DZIP1L: variants seen among roughly 807,000 people sequenced by gnomAD.
DZIP1L encodes the protein cilium assembly protein DZIP1L.
A neutral mutation model predicts 88.7 loss-of-function variants in DZIP1L; 90 were observed. The observed-to-expected ratio is 1.02, with a 90% CI of 0.86 to 1.21. DZIP1L has a LOEUF of 1.21. Among genes scored for constraint, DZIP1L ranks in the 50% most tolerant of loss-of-function variants. The pLI, the probability that DZIP1L is intolerant of heterozygous loss-of-function variation, is 0.00. For missense variants in DZIP1L, 932 were observed against 955.8 expected (o/e 0.98, Z 0.33); for synonymous variants, 363 against 372.1 (o/e 0.98, Z 0.28).
At chr3:138,098,130 T>A (rs867468298) in intron 2 of DZIP1L, among the ~76,000 whole-genome samples, 1 of 152,232 alleles carries the variant, frequency 6.6e-6, no homozygotes, top group South Asian at 2.1e-4. Context: ...TGTTTGTCTA[T>A]GTTTAAAAGT....
chr3:138,077,385 A>T (rs1226012065), intron 11 of DZIP1L, 114 bp downstream of exon 11: 1 of 1,507,070 alleles, frequency 6.6e-7, no homozygotes, highest in Non-Finnish European at 9.0e-7. Flanking sequence ...GGGCTGCCAC[A>T]AGTGAGATGA....
intron 1 of DZIP1L, among the ~76,000 whole-genome samples, chr3:138,112,870 CT>C (rs2042640798): frequency 6.6e-6 from 1 of 152,120 alleles, no homozygotes; most frequent in African/African-American, 2.4e-5. Context: ...TCACTTCAAC[CT>C]GGGAAGCAGA....
At chr3:138,092,621 T>C in intron 4 of DZIP1L, 77 bp from the exon 5 acceptor site, 1 of 1,407,690 alleles carries the variant, frequency 7.1e-7, no homozygotes, top group South Asian at 1.6e-5. Context: ...TACTTAGGCC[T>C]CCTTGTCTAT....
chr3:138,105,521 T>C (rs1559863604), intron 1 of DZIP1L, among the ~76,000 whole-genome samples: 1 of 152,194 alleles, frequency 6.6e-6, no homozygotes, highest in Non-Finnish European at 1.5e-5. Context: ...GCACACACTC[T>C]AAATCATCTC....
chr3:138,077,513 T>G lies in DZIP1L; in HGVS notation c.1408A>C (p.Met470Leu), dbSNP rs1284263339. 3.7e-6 allele frequency: 6 copies of G among 1,614,064 alleles called. No individual in the cohort carries two copies. The highest frequency in any genetic ancestry group is 1.3e-5 in the African/African-American group (1 of 74,942). The change falls in exon 11 of 16, where the codon ATG (methionine) becomes CTG (leucine). Residue 470 changes from methionine (M) to leucine (L), a missense_variant. Met to Leu is a conservative substitution (Grantham distance 15, BLOSUM62 2). Coordinates refer to ENST00000327532, the MANE Select transcript of DZIP1L (RefSeq NM_173543.3). Reference protein sequence around the residue: ...EDTLEEKLESMGIRKDAKGIS... With the variant: ...EDTLEEKLESLGIRKDAKGIS... ...CTGAAACTCACCTTCCTTATCCCCATGCTTTCGAGCTTCTCTTCCAGGGTG... is the reference window on the plus strand; with the variant it reads ...CTGAAACTCACCTTCCTTATCCCCAGGCTTTCGAGCTTCTCTTCCAGGGTG...
chr3:138,102,618 G>C lies in DZIP1L; in HGVS notation c.501+853C>G, dbSNP rs1447718814. The C allele has an allele frequency of 5.5e-6, 8 of 1,461,922 alleles. No individual in the cohort carries two copies. The East Asian group carries it at 1.6e-4, about 29-fold the overall frequency. 90.6% of individuals were successfully genotyped at this position (1,461,922 alleles called of 1,614,324 possible). A position where few individuals can be genotyped will look rare whatever the true frequency, so the allele number is the denominator to read the frequency against. ...CCTTGTCTATGAAGGAGGCAAACTTGTTGTTGAGGGTCTTGATCTGCTCCT... is the reference window on the plus strand; with the variant it reads ...CCTTGTCTATGAAGGAGGCAAACTTCTTGTTGAGGGTCTTGATCTGCTCCT... On this transcript the variant is annotated intron_variant, in intron 2 of 15. Transcript: ENST00000327532.
chr3:138,068,885 A>G lies in DZIP1L; in HGVS notation c.1616-518T>C, dbSNP rs72991165. 10,113 of 1,232,520 alleles carry G rather than the reference A, an allele frequency of 8.2e-3. 635 individuals carry two copies. In the African/African-American group the frequency reaches 0.14, roughly 17 times the overall value. 76.3% of individuals were successfully genotyped at this position (1,232,520 alleles called of 1,614,324 possible). On this transcript the variant is annotated intron_variant, in intron 12 of 15. Transcript: ENST00000327532. Reference sequence around the variant, plus strand: ...ACAGCCCCTCTGTTTTCCAAATTGCATCAAGACCTATAGCCACAAGAGCGG... The same window carrying G: ...ACAGCCCCTCTGTTTTCCAAATTGCGTCAAGACCTATAGCCACAAGAGCGG...
In DZIP1L at chr3:138,094,996, C is replaced by T. The variant is rs778056424; in HGVS notation, c.587-13G>A. The T allele has an allele frequency of 3.3e-5, 53 of 1,614,184 alleles. No homozygotes were observed. Among genetic ancestry groups the T allele is most frequent in the Admixed American group, 1.2e-4 (7 of 60,014 alleles). The stretch of plus-strand genomic sequence containing the variant: ...TTCTTCTGTTTTCCTGTGGGGTCCA[C>T]GCAAAGACAGGTGACCAGTTTAAGT... On this transcript the variant is annotated splice_polypyrimidine_tract_variant and intron_variant, in intron 3 of 15. Coordinates refer to ENST00000327532, the MANE Select transcript of DZIP1L (RefSeq NM_173543.3).
At chr3:138,066,760 C>A (rs987268710) in intron 14 of DZIP1L, among the ~76,000 whole-genome samples, 2 of 152,024 alleles carry the variant, frequency 1.3e-5, no homozygotes, top group Non-Finnish European at 2.9e-5. Context: ...CTCTACTCAC[C>A]GAGATGGACA....
At chr3:138,076,015 G>A (rs1172387416) in intron 11 of DZIP1L, among the ~76,000 whole-genome samples, 2 of 152,200 alleles carry the variant, frequency 1.3e-5, no homozygotes, top group African/African-American at 4.8e-5. Context: ...CATGGAACTG[G>A]AGAAACAAGA....
At position 138,097,839 on chromosome 3, in the gene DZIP1L, C is replaced by A; in HGVS notation, c.510G>T (p.Leu170=). 6.2e-7 allele frequency: 1 copy of A among 1,612,154 alleles called. No individual in the cohort carries two copies. The highest frequency in any genetic ancestry group is 8.5e-7 in the Non-Finnish European group (1 of 1,179,138). Residue 170 remains leucine (L), a synonymous_variant, in exon 3 of 16, where the codon CTG becomes CTT. Coordinates refer to ENST00000327532, the MANE Select transcript of DZIP1L (RefSeq NM_173543.3). ...TGGCATTCATGAATGTCTTGTCACA[C>A]AGGTGGCACTATACAGAGAGGAAGC... The part of the protein sequence containing the change: ...TGTHSYHTCH[L]CDKTFMNATF...
At position 138,103,771 on chromosome 3, in the gene DZIP1L, C is replaced by G. The variant is rs753971499; in HGVS notation, c.201G>C (p.Leu67Phe). 1 of 1,614,070 alleles carries G rather than the reference C, an allele frequency of 6.2e-7. No homozygotes were observed. Among genetic ancestry groups the G allele is most frequent in the South Asian group, 1.1e-5 (1 of 91,088 alleles). ...ENIAGITFCN[L>F]DREVCSRCGQ... ...CACAGCGGCTGCACACCTCCCGGTC[C>G]AAGTTGCAGAAGGTGATGCCAGCAA... Residue 67 changes from leucine (L) to phenylalanine (F), a missense_variant, in exon 2 of 16, where the codon TTG becomes TTC. Physicochemically the swap from Leu to Phe is conservative, Grantham distance 22. Transcript: ENST00000327532.
intron 11 of DZIP1L, among the ~76,000 whole-genome samples, chr3:138,076,042 G>C (rs977280702): frequency 5.9e-5 from 9 of 152,180 alleles, no homozygotes; most frequent in Non-Finnish European, 1.3e-4. Flanking sequence ...CAAACCCAAG[G>C]AGACAATGGA....
At chr3:138,081,880 C>CA in intron 8 of DZIP1L, 116 bp from the exon 9 acceptor site, 3 of 1,085,186 alleles carry the variant, frequency 2.8e-6, no homozygotes, top group Non-Finnish European at 3.9e-6. Context: ...TTCCATGACT[C>CA]ACGTTGGGAA....
chr3:138,078,224 T>C (rs1943500909), intron 10 of DZIP1L, among the ~76,000 whole-genome samples: 1 of 152,146 alleles, frequency 6.6e-6, no homozygotes, highest in African/African-American at 2.4e-5. Context: ...CCAAGGTGAG[T>C]CAGGGAAGGC....
intron 10 of DZIP1L, among the ~76,000 whole-genome samples, chr3:138,079,066 G>T (rs909795592): frequency 6.6e-6 from 1 of 152,322 alleles, no homozygotes; most frequent in South Asian, 2.1e-4. Flanking sequence ...TGGGGCCTGA[G>T]AATTACAACT....
intron 3 of DZIP1L, 90 bp downstream of exon 3, chr3:138,097,673 T>C: frequency 2.5e-6 from 3 of 1,205,182 alleles, no homozygotes; most frequent in Non-Finnish European, 3.5e-6. Flanking sequence ...AGAGCAGTTT[T>C]GGGTGCTATA....
In DZIP1L at chr3:138,068,036, A is replaced by G; in HGVS notation, c.1832+115T>C. The G allele has an allele frequency of 4.2e-6, 4 of 959,732 alleles. 1 individual carries two copies. In the South Asian group the frequency reaches 1.1e-4, roughly 27 times the overall value. 59.5% of individuals were successfully genotyped at this position (959,732 alleles called of 1,614,324 possible). On this transcript the variant is annotated intron_variant, in intron 13 of 15. Transcript: ENST00000327532. ...ACCCCACCTGAGGCACCTTCTATTC[A>G]CATGTGTCTGCCCCCCTCCTATCTG... is the stretch of plus-strand genomic sequence containing the variant.
At chr3:138,112,825 T>C (rs759085935) in intron 1 of DZIP1L, among the ~76,000 whole-genome samples, 6 of 152,128 alleles carry the variant, frequency 3.9e-5, no homozygotes, top group Non-Finnish European at 5.9e-5. Context: ...CTCATGCCTG[T>C]AGTCCCAGCT....
Sources: allele counts gnomAD v4.1 joint callset (sites outside exome capture counted in the v4.1 genomes callset), GRCh38; gene constraint gnomAD v4.1.1; transcripts MANE v1.5; gene names NCBI Gene and HGNC (gene_info 2026-07-23, HGNC 2026-07-21).